The following ACOXL variants were observed in gnomAD, a reference collection of about 807,000 sequenced individuals.
The protein encoded by ACOXL is acyl-coenzyme A oxidase-like protein.
In ACOXL, 70 loss-of-function variants were observed where a neutral mutation model predicts 71.9. The observed-to-expected ratio is 0.97, with a 90% CI of 0.80 to 1.19. The LOEUF (loss-of-function observed/expected upper bound fraction) is 1.19. Among genes scored for constraint, ACOXL ranks in the 50% most tolerant of loss-of-function variants. The pLI is 0.00. For missense variants in ACOXL, 703 were observed against 736.3 expected (o/e 0.95, Z 0.52); for synonymous variants, 253 against 281.6 (o/e 0.90, Z 1.02).
intron 11 of ACOXL, among the ~76,000 whole-genome samples, chr2:110,921,651 C>T (rs1304560591): frequency 6.6e-6 from 1 of 151,930 alleles, no homozygotes; most frequent in Non-Finnish European, 1.5e-5. Context: ...CCTTGGCCTC[C>T]CAAAGTACTA....
intron 1 of ACOXL, among the ~76,000 whole-genome samples, chr2:110,765,651 G>A (rs1430434196): frequency 1.3e-5 from 2 of 152,182 alleles, no homozygotes; most frequent in East Asian, 3.8e-4. Context: ...TGAGGGTCTT[G>A]CTTTCTGGTT....
Position 111,021,063 on chromosome 2 carries a change from G to C in ACOXL, c.1282-10564G>C, listed in dbSNP as rs142005989. Among the ~76,000 whole-genome samples, 34 of 152,288 alleles carry C rather than the reference G, an allele frequency of 2.2e-4. No individual in the cohort carries two copies. The East Asian group carries it at 6.4e-3, about 29-fold the overall frequency. ...CCTCAGGGGCACGCCTCCCTAGACA[G>C]GGACTATTTCACCTGCTCCACCTTG... On this transcript the variant is annotated intron_variant, in intron 14 of 17. Transcript: ENST00000439055.
At chr2:110,832,545 A>C (rs1689971129) in intron 9 of ACOXL, among the ~76,000 whole-genome samples, 1 of 137,434 alleles carries the variant, frequency 7.3e-6, no homozygotes, top group African/African-American at 2.7e-5. Context: ...ACTCCATCTC[A>C]AAAAAAAAAA....
At chr2:111,099,012 C>T (rs191031724) in intron 17 of ACOXL, 2 of 152,274 alleles carry the variant, frequency 1.3e-5, no homozygotes, top group African/African-American at 2.4e-5. Flanking sequence ...AAATGACTGT[C>T]GAAGATTCTA....
intron 16 of ACOXL, among the ~76,000 whole-genome samples, chr2:111,067,867 C>T (rs1382219389): frequency 6.6e-6 from 1 of 152,170 alleles, no homozygotes; most frequent in Non-Finnish European, 1.5e-5. Context: ...AGGGAGCTCT[C>T]TGTGAATTGG....
intron 9 of ACOXL, among the ~76,000 whole-genome samples, chr2:110,822,596 A>G (rs1688745526): frequency 1.3e-5 from 2 of 152,278 alleles, no homozygotes; most frequent in South Asian, 4.1e-4. Flanking sequence ...TGCTTAATAC[A>G]TATGTCATAC....
intron 1 of ACOXL, among the ~76,000 whole-genome samples, chr2:110,762,753 T>G (rs1290583863): frequency 6.6e-6 from 1 of 152,118 alleles, no homozygotes; most frequent in Non-Finnish European, 1.5e-5. Context: ...CCTCCTAGGC[T>G]CAAGCAATCC....
intron 5 of ACOXL, 111 bp from the exon 6 acceptor site, chr2:110,798,499 A>C: frequency 1.3e-6 from 1 of 787,002 alleles, no homozygotes; most frequent in East Asian, 2.7e-5. Context: ...CTCGTGATCC[A>C]CCCACCTCGG....
chr2:110,756,379 T>C (rs1200247012), intron 1 of ACOXL, among the ~76,000 whole-genome samples: 1 of 152,214 alleles, frequency 6.6e-6, no homozygotes, highest in Admixed American at 6.5e-5. Flanking sequence ...TCCGCCCACA[T>C]TGGCCTCCCA....
intron 11 of ACOXL, among the ~76,000 whole-genome samples, chr2:110,911,258 G>T (rs2059639767): frequency 6.6e-6 from 1 of 151,902 alleles, no homozygotes; most frequent in Admixed American, 6.6e-5. Flanking sequence ...GAAAATCCCA[G>T]GCCTAAACAG....
At chr2:110,790,069 T>G (rs188666296) in intron 3 of ACOXL, among the ~76,000 whole-genome samples, 1 of 152,342 alleles carries the variant, frequency 6.6e-6, no homozygotes, top group East Asian at 1.9e-4. Flanking sequence ...ATGGCATTGC[T>G]AAAGCCCATT....
At chr2:111,093,051 T>C in intron 17 of ACOXL, 85 bp downstream of exon 17, 2 of 1,111,428 alleles carry the variant, frequency 1.8e-6, no homozygotes, top group Non-Finnish European at 2.6e-6. Flanking sequence ...GCCAATCTTC[T>C]ATCAGTTTCC....
At chr2:110,960,417 C>G (rs1481537664) in intron 12 of ACOXL, among the ~76,000 whole-genome samples, 1 of 152,194 alleles carries the variant, frequency 6.6e-6, no homozygotes, top group African/African-American at 2.4e-5. Flanking sequence ...GTGTGAAGGT[C>G]TCCTCTAACC....
chr2:110,750,238 T>C (rs997660932), intron 1 of ACOXL, among the ~76,000 whole-genome samples: 1 of 152,204 alleles, frequency 6.6e-6, no homozygotes, highest in Non-Finnish European at 1.5e-5. Context: ...TTATTTCTTA[T>C]AGGAGGTTGA....
chr2:110,904,676 C>T (rs532461361), intron 10 of ACOXL, among the ~76,000 whole-genome samples: 12 of 152,210 alleles, frequency 7.9e-5, no homozygotes, highest in South Asian at 2.1e-4. Flanking sequence ...CAGGGCCACA[C>T]GGGGAAACAA....
intron 10 of ACOXL, among the ~76,000 whole-genome samples, chr2:110,893,179 A>T (rs2149158625): frequency 6.6e-6 from 1 of 152,356 alleles, no homozygotes; most frequent in African/African-American, 2.4e-5. Flanking sequence ...AGCAAAGCTA[A>T]AACTATGTCA....
chr2:110,745,858 T>G (rs1678131199), intron 1 of ACOXL, among the ~76,000 whole-genome samples: 2 of 152,208 alleles, frequency 1.3e-5, no homozygotes, highest in Non-Finnish European at 2.9e-5. Flanking sequence ...TTACTGTGTC[T>G]TGAGAGTGCA....
chr2:110,958,172 C>T (rs1374108709), intron 12 of ACOXL, among the ~76,000 whole-genome samples: 1 of 152,120 alleles, frequency 6.6e-6, no homozygotes, highest in East Asian at 1.9e-4. Flanking sequence ...CATGCATACT[C>T]TCTCTACTTT....
intron 10 of ACOXL, chr2:110,886,656 G>A: frequency 7.9e-7 from 1 of 1,266,118 alleles, no homozygotes; most frequent in South Asian, 1.4e-5. Flanking sequence ...TGGGATTACA[G>A]GCTTGAGCCA....
Sources: allele counts gnomAD v4.1 joint callset (sites outside exome capture counted in the v4.1 genomes callset), GRCh38; gene constraint gnomAD v4.1.1; transcripts MANE v1.5; gene names NCBI Gene and HGNC (gene_info 2026-07-23, HGNC 2026-07-21).